PLEKHA5: variants seen among roughly 807,000 people sequenced by gnomAD.
PLEKHA5 encodes pleckstrin homology domain containing A5, also known as pleckstrin homology domain-containing family A member 5.
PLEKHA5 carries 55 observed loss-of-function variants against 181.9 expected under a neutral mutation model. That is an observed-to-expected ratio of 0.30 (90% CI 0.24 to 0.38). PLEKHA5 has a LOEUF of 0.38. Ranked by LOEUF, PLEKHA5 falls within the 10% of genes least tolerant of loss-of-function variation. The pLI, the probability that PLEKHA5 is intolerant of heterozygous loss-of-function variation, is 1.00. For synonymous variants in PLEKHA5, 535 were observed against 529.4 expected (o/e 1.01, Z -0.15); for missense variants, 1,432 against 1,549.5 (o/e 0.92, Z 1.27).
Position 19,291,652 on chromosome 12 carries a change from T to C in PLEKHA5, c.1992T>C (p.Ile664=). ...TAATTGGTGCCTACTAGAATGAAAT[T>C]CTTTCACATCATCTCCAAAGGAACA... ...KLEAHSPKNE[I]LSHHLQRNTI... is the part of the protein sequence containing the mutation. The change falls in exon 15 of 32, where the codon ATT becomes ATC. Residue 664 remains isoleucine (I), a synonymous_variant. Transcript: ENST00000429027. The C allele has an allele frequency of 6.6e-7, 1 of 1,513,696 alleles. No homozygotes were observed. 93.8% of individuals were successfully genotyped at this position (1,513,696 alleles called of 1,614,324 possible).
chr12:19,314,224 A>G lies in PLEKHA5; in HGVS notation c.2038-590A>G, dbSNP rs527604700. On this transcript the variant is annotated intron_variant, in intron 15 of 31. Transcript: ENST00000429027. Reference sequence around the variant, plus strand: ...GAGACATACCAAGTCTTTGCTGAATAAGTCTTAGTTTGCATATCCTTGAGT... The same window carrying G: ...GAGACATACCAAGTCTTTGCTGAATGAGTCTTAGTTTGCATATCCTTGAGT... Among the ~76,000 whole-genome samples, 206 of 152,272 alleles carry G rather than the reference A, an allele frequency of 1.4e-3. 1 individual carries two copies. Among genetic ancestry groups the G allele is most frequent in the African/African-American group, 4.5e-3 (186 of 41,578 alleles).
At position 19,319,929 on chromosome 12, in the gene PLEKHA5, A is replaced by G. The variant is rs906971475; in HGVS notation, c.2119-92A>G. ...AACTTTTTATGAAATTTGACTATCC[A>G]TAGTTTATAACATAGGCTTTCAGTT... On this transcript the variant is annotated intron_variant, in intron 16 of 31. Coordinates refer to ENST00000429027, the MANE Select transcript of PLEKHA5 (RefSeq NM_001256470.2). The G allele has an allele frequency of 2.0e-5, 15 of 757,900 alleles. No homozygotes were observed. The African/African-American group carries it at 2.4e-4, about 12-fold the overall frequency. 46.9% of individuals were successfully genotyped at this position (757,900 alleles called of 1,614,324 possible).
At chr12:19,249,644 T>C (rs1208319435) in intron 3 of PLEKHA5, among the ~76,000 whole-genome samples, 1 of 152,196 alleles carries the variant, frequency 6.6e-6, no homozygotes, top group Non-Finnish European at 1.5e-5. Flanking sequence ...AAAATATTTG[T>C]GTGTATATAC....
At chr12:19,344,282 C>A (rs973011707) in intron 22 of PLEKHA5, among the ~76,000 whole-genome samples, 7 of 152,226 alleles carry the variant, frequency 4.6e-5, no homozygotes, top group African/African-American at 1.7e-4. Context: ...GCTCTGTCAA[C>A]CATACCTAAA....
intron 3 of PLEKHA5, among the ~76,000 whole-genome samples, chr12:19,228,731 A>G (rs964431894): frequency 1.3e-5 from 2 of 152,164 alleles, no homozygotes; most frequent in South Asian, 4.1e-4. Flanking sequence ...GTACTTATCT[A>G]TTCCACTTAC....
At chr12:19,263,718 C>T (rs377278968) in intron 7 of PLEKHA5, among the ~76,000 whole-genome samples, 212 of 152,280 alleles carry the variant, frequency 1.4e-3, no homozygotes, top group Middle Eastern at 3.4e-3. Context: ...CTCATCTTCC[C>T]TACGAAGCAA....
chr12:19,343,369 G>C lies in PLEKHA5; in HGVS notation c.2597G>C (p.Trp866Ser). The C allele has an allele frequency of 6.2e-7, 1 of 1,613,780 alleles. No homozygotes were observed. The highest frequency in any genetic ancestry group is 8.5e-7 in the Non-Finnish European group (1 of 1,179,782). The change falls in exon 22 of 32, where the codon TGG becomes TCG. Residue 866 changes from tryptophan to serine, a missense_variant. Around this residue, in one of 2 missense-constraint regions of PLEKHA5, gnomAD observed 1,143 missense variants for 1,168.4 expected, o/e 0.98. Transcript: ENST00000429027. ...CGTGCACAGATTCAGAAAGAACTTT[G>C]GCGAATTCAGGATGTCATGGAAGGG... ...IQRAQIQKEL[W>S]RIQDVMEGLS...
chr12:19,367,071 C>T (rs1316661774), intron 30 of PLEKHA5, among the ~76,000 whole-genome samples: 11 of 151,680 alleles, frequency 7.3e-5, no homozygotes, highest in Admixed American at 7.2e-4. Context: ...ATTTGTAGTA[C>T]AGATGGGGGT....
chr12:19,306,963 C>T, intron 15 of PLEKHA5: 3 of 1,284,896 alleles, frequency 2.3e-6, no homozygotes, highest in Non-Finnish European at 1.1e-6. Flanking sequence ...CTACTCCTAA[C>T]CCACTTACTC....
chr12:19,143,784 C>CT (rs2038120561), intron 3 of PLEKHA5, among the ~76,000 whole-genome samples: 1 of 151,990 alleles, frequency 6.6e-6, no homozygotes, highest in Non-Finnish European at 1.5e-5. Context: ...TATTAGTATC[C>CT]TTATATCGTT....
intron 3 of PLEKHA5, among the ~76,000 whole-genome samples, chr12:19,136,158 T>G (rs1311439439): frequency 6.6e-6 from 1 of 152,138 alleles, no homozygotes; most frequent in Non-Finnish European, 1.5e-5. Context: ...AATGGGGGAT[T>G]ATAGGCATGA....
chr12:19,209,435 A>G (rs910439025), intron 3 of PLEKHA5, among the ~76,000 whole-genome samples: 2 of 152,196 alleles, frequency 1.3e-5, no homozygotes, highest in African/African-American at 4.8e-5. Flanking sequence ...AACAGCAGAA[A>G]TAGGAGGCAC....
chr12:19,269,685 A>G (rs372037469), intron 8 of PLEKHA5, 85 bp from the exon 9 acceptor site: 10 of 619,102 alleles, frequency 1.6e-5, no homozygotes, highest in East Asian at 1.4e-4. Context: ...GCAACGTTCT[A>G]TGTCAGGAAT....
chr12:19,256,938 C>T (rs182190308), intron 5 of PLEKHA5, among the ~76,000 whole-genome samples: 2 of 152,264 alleles, frequency 1.3e-5, no homozygotes, highest in Admixed American at 1.3e-4. Context: ...GCAGATCCTT[C>T]CTGTCCTGTT....
chr12:19,263,103 T>C (rs2069034761), intron 7 of PLEKHA5, among the ~76,000 whole-genome samples: 1 of 152,220 alleles, frequency 6.6e-6, no homozygotes, highest in African/African-American at 2.4e-5. Flanking sequence ...ATTTTTACTA[T>C]TTTATCAATA....
chr12:19,354,599 G>A (rs1161177326), intron 26 of PLEKHA5, among the ~76,000 whole-genome samples: 1 of 148,916 alleles, frequency 6.7e-6, no homozygotes, highest in Admixed American at 6.8e-5. Flanking sequence ...TCCTGCCTCA[G>A]CCTCCCAAGT....
chr12:19,220,204 CT>C (rs200680595), intron 3 of PLEKHA5, among the ~76,000 whole-genome samples: 2,277 of 112,712 alleles, frequency 0.02, 41 homozygotes, highest in East Asian at 0.064. Context: ...TTTCTCTTTT[CT>C]TTTTTTTTTT....
chr12:19,357,572 A>G (rs550605518), intron 26 of PLEKHA5, among the ~76,000 whole-genome samples: 4 of 151,944 alleles, frequency 2.6e-5, no homozygotes, highest in Admixed American at 1.3e-4. Context: ...GGTGGTGGTG[A>G]TGGTGTTTTT....
At chr12:19,285,902 C>G (rs185605652) in intron 12 of PLEKHA5, among the ~76,000 whole-genome samples, 460 of 152,278 alleles carry the variant, frequency 3.0e-3, no homozygotes, top group Middle Eastern at 6.8e-3. Context: ...GAGTTGCAAG[C>G]TGAATTAGTT....
Sources: allele counts gnomAD v4.1 joint callset (sites outside exome capture counted in the v4.1 genomes callset), GRCh38; gene constraint gnomAD v4.1.1; regional missense constraint gnomAD v4.1.1; transcripts MANE v1.5; gene names NCBI Gene and HGNC (gene_info 2026-07-23, HGNC 2026-07-21).